The following MON2 variants were observed in gnomAD, a reference collection of about 807,000 sequenced individuals.
The protein encoded by MON2 is MON2 regulator of endosome-to-Golgi trafficking, also known as protein MON2 homolog.
MON2 carries 84 observed loss-of-function variants against 208.6 expected under a neutral mutation model. That is an observed-to-expected ratio of 0.40 (90% confidence interval 0.34 to 0.48). The LOEUF is 0.48. MON2 is among the 20% of genes least tolerant of loss of function. The pLI, the probability that MON2 is intolerant of heterozygous loss-of-function variation, is 0.59. For synonymous variants in MON2, 660 were observed against 694.0 expected, an observed-to-expected ratio of 0.95 and a Z score of 0.77; for missense variants, 1,611 against 2,015.4, an observed-to-expected ratio of 0.80 and a Z score of 3.84.
At chr12:62,584,445 T>C (rs1296265598) in intron 32 of MON2, among the ~76,000 whole-genome samples, 1 of 152,202 alleles carries the variant, frequency 6.6e-6, no homozygotes, top group Non-Finnish European at 1.5e-5. Flanking sequence ...GGCTCACGCC[T>C]GTAATCTCAG....
intron 30 of MON2, among the ~76,000 whole-genome samples, chr12:62,576,191 A>G (rs1169626015): frequency 6.6e-6 from 1 of 152,142 alleles, no homozygotes; most frequent in Non-Finnish European, 1.5e-5. Flanking sequence ...TTACAACATA[A>G]TGCTAAGCGG....
intron 8 of MON2, among the ~76,000 whole-genome samples, chr12:62,510,334 GA>G (rs538937950): frequency 4.0e-5 from 6 of 148,188 alleles, no homozygotes; most frequent in African/African-American, 7.4e-5. Flanking sequence ...ATACTACAAG[GA>G]AAAAAAAACA....
Position 62,534,704 on chromosome 12 carries a change from A to G in MON2, c.1634-141A>G. The G allele has an allele frequency of 5.5e-6, 3 of 547,216 alleles. No individual in the cohort carries two copies. The South Asian group carries it at 7.2e-5, about 13-fold the overall frequency. The allele number at this position is 547,216 out of a possible 1,614,324, so 33.9% of individuals were successfully genotyped here. A position where few individuals can be genotyped will look rare whatever the true frequency, so the allele number is the denominator to read the frequency against. The stretch of plus-strand genomic sequence containing the variant: ...AGTTTTCGTTCTTTTAGATTTTTAA[A>G]TACTGAATATTAGATTTAATAATTA... On this transcript the variant is annotated intron_variant, in intron 12 of 34. Transcript: ENST00000393630.
At chr12:62,560,341 T>C in intron 25 of MON2, 150 bp from the exon 26 acceptor site, 2 of 721,578 alleles carry the variant, frequency 2.8e-6, no homozygotes. Flanking sequence ...TTAATTCCCA[T>C]TGTTAGTACC....
intron 24 of MON2, among the ~76,000 whole-genome samples, chr12:62,554,309 G>A (rs1037944774): frequency 1.3e-5 from 2 of 152,078 alleles, no homozygotes; most frequent in Admixed American, 1.3e-4. Flanking sequence ...TTAAAGACTT[G>A]TTAAAGCACA....
intron 8 of MON2, among the ~76,000 whole-genome samples, chr12:62,511,387 A>G (rs942742309): frequency 1.3e-5 from 2 of 152,340 alleles, no homozygotes; most frequent in East Asian, 3.9e-4. Context: ...TCAGAATAGC[A>G]TAAAGTGGTA....
intron 11 of MON2, among the ~76,000 whole-genome samples, chr12:62,526,755 A>G (rs903297412): frequency 3.3e-5 from 5 of 152,210 alleles, no homozygotes; most frequent in African/African-American, 1.2e-4. Flanking sequence ...AAGGCAATCA[A>G]TACTACATGG....
chr12:62,549,918 C>G, intron 23 of MON2, 88 bp downstream of exon 23: 3 of 832,596 alleles, frequency 3.6e-6, no homozygotes, highest in Non-Finnish European at 5.1e-6. Flanking sequence ...ATACTTTTAG[C>G]TCTTTGCAAA....
chr12:62,498,225 G>GGGCCCAAATGAGCACATACT (rs1191444186), intron 4 of MON2, among the ~76,000 whole-genome samples: 1 of 152,012 alleles, frequency 6.6e-6, no homozygotes, highest in Non-Finnish European at 1.5e-5. Flanking sequence ...GGAAGAAGGT[G>GGGCCCAAATGAGCACATACT]GGCCCAAATG....
intron 8 of MON2, among the ~76,000 whole-genome samples, chr12:62,516,843 C>T (rs2071723270): frequency 6.6e-6 from 1 of 151,916 alleles, no homozygotes; most frequent in Admixed American, 6.6e-5. Flanking sequence ...ATTTCATTTA[C>T]TCTATAAATG....
At chr12:62,534,545 AT>A (rs71450587) in intron 12 of MON2, among the ~76,000 whole-genome samples, 312 of 27,964 alleles carry the variant, frequency 0.011, 6 homozygotes, top group Non-Finnish European at 0.018. Context: ...AAAAAAAAAT[AT>A]ATATATATAT....
intron 4 of MON2, among the ~76,000 whole-genome samples, chr12:62,495,629 G>A (rs10784302): frequency 0.38 from 55,429 of 144,090 alleles, 10,457 homozygotes; most frequent in African/African-American, 0.43. Context: ...GGCAGAGCTT[G>A]CAGTGAGCCG....
At chr12:62,591,063 T>C (rs1204122515) in intron 34 of MON2, among the ~76,000 whole-genome samples, 1 of 152,240 alleles carries the variant, frequency 6.6e-6, no homozygotes, top group African/African-American at 2.4e-5. Context: ...ATTTGGTCAA[T>C]TGACTCTCCA....
intron 30 of MON2, among the ~76,000 whole-genome samples, chr12:62,574,219 A>T (rs1218949805): frequency 6.6e-6 from 1 of 152,182 alleles, no homozygotes; most frequent in Non-Finnish European, 1.5e-5. Flanking sequence ...GCTTGTTTCC[A>T]CTATTATTGT....
intron 30 of MON2, among the ~76,000 whole-genome samples, chr12:62,574,947 G>A (rs928652674): frequency 6.9e-6 from 1 of 145,582 alleles, no homozygotes; most frequent in Non-Finnish European, 1.5e-5. Flanking sequence ...AACATAGTGA[G>A]ACTCCGCCTC....
intron 1 of MON2, among the ~76,000 whole-genome samples, chr12:62,471,159 A>C (rs2068769791): frequency 6.6e-6 from 1 of 152,070 alleles, no homozygotes; most frequent in Admixed American, 6.5e-5. Context: ...ATAAAAGAGG[A>C]GGAAATGTTT....
At chr12:62,546,528 C>T (rs373472936) in intron 21 of MON2, among the ~76,000 whole-genome samples, 13 of 151,824 alleles carry the variant, frequency 8.6e-5, no homozygotes, top group East Asian at 1.9e-4. Flanking sequence ...TCAAGGTGGG[C>T]GGATCACCTG....
chr12:62,490,847 T>TA (rs953916084), intron 2 of MON2, among the ~76,000 whole-genome samples: 6 of 152,192 alleles, frequency 3.9e-5, no homozygotes, highest in Non-Finnish European at 8.8e-5. Flanking sequence ...TAATTTCTAT[T>TA]ACTATCGTAA....
rs147472788 is a variant in MON2 at position 62,552,959 on chromosome 12, A to G, written c.2995A>G (p.Lys999Glu). The change falls in exon 24 of 35, where the codon AAG becomes GAG. Residue 999 changes from lysine to glutamate, a missense_variant. Coordinates refer to ENST00000393630, the MANE Select transcript of MON2 (RefSeq NM_015026.3). Reference protein sequence around the residue: ...ELNKEEAAQQKQAEEKGVVLN... With the variant: ...ELNKEEAAQQEQAEEKGVVLN... Reference sequence around the variant, plus strand: ...AAATAAGGAAGAGGCAGCACAGCAAAAGCAGGCAGAAGAGAAAGGAGTTGT... The same window carrying G: ...AAATAAGGAAGAGGCAGCACAGCAAGAGCAGGCAGAAGAGAAAGGAGTTGT... The G allele has an allele frequency of 1.2e-6, 2 of 1,614,174 alleles. No homozygotes were observed. Among genetic ancestry groups the G allele is most frequent in the Admixed American group, 3.3e-5 (2 of 60,022 alleles).
Sources: gnomAD v4.1 joint callset for allele counts (sites outside exome capture counted in the v4.1 genomes callset) on GRCh38, gnomAD v4.1.1 for gene constraint, MANE v1.5 for transcripts, NCBI Gene and HGNC (gene_info 2026-07-23, HGNC 2026-07-21) for gene names.